The following MAGI1 variants were observed in gnomAD, a reference collection of about 807,000 sequenced individuals.
MAGI1 encodes the protein membrane associated guanylate kinase, WW and PDZ domain containing 1, also known as membrane-associated guanylate kinase, WW and PDZ domain-containing protein 1.
In MAGI1, 58 loss-of-function variants were observed where a neutral mutation model predicts 139.9. The ratio of observed to expected loss-of-function variants is 0.41; its 90% CI spans 0.34 to 0.52. The LOEUF (loss-of-function observed/expected upper bound fraction) is 0.52, where lower values mean the gene tolerates loss of function less well. MAGI1 is among the 20% of genes least tolerant of loss of function. The probability of loss-of-function intolerance (pLI) is 0.12; values close to 1 mark genes in which losing one functional copy is unlikely to be tolerated. For synonymous variants in MAGI1, 812 were observed against 737.9 expected, an observed-to-expected ratio of 1.10 and a Z score of -1.63; for missense variants, 1,874 against 1,901.6, an observed-to-expected ratio of 0.99 and a Z score of 0.27.
chr3:65,801,064 C>A (rs1176819771), intron 1 of MAGI1, among the ~76,000 whole-genome samples: 4 of 152,122 alleles, frequency 2.6e-5, no homozygotes, highest in South Asian at 2.1e-4. Flanking sequence ...TTGTCAAGCA[C>A]CATTGGTTTA....
At chr3:65,936,355 T>C (rs911319488) in intron 1 of MAGI1, among the ~76,000 whole-genome samples, 2 of 152,132 alleles carry the variant, frequency 1.3e-5, no homozygotes, top group Non-Finnish European at 2.9e-5. Context: ...TCCTAGGTAG[T>C]GACCAGGTGT....
intron 1 of MAGI1, among the ~76,000 whole-genome samples, chr3:65,918,675 G>A (rs530524836): frequency 1.2e-4 from 18 of 151,972 alleles, no homozygotes; most frequent in East Asian, 3.9e-4. Context: ...CACCGCGCCC[G>A]GCCTCCACAA....
intron 1 of MAGI1, among the ~76,000 whole-genome samples, chr3:65,974,864 G>T (rs2065188908): frequency 6.6e-6 from 1 of 152,136 alleles, no homozygotes; most frequent in Non-Finnish European, 1.5e-5. Context: ...TTAGGCTATT[G>T]GTCTCACAGA....
chr3:65,997,221 T>C (rs1376465523), intron 1 of MAGI1, among the ~76,000 whole-genome samples: 1 of 152,172 alleles, frequency 6.6e-6, no homozygotes, highest in Non-Finnish European at 1.5e-5. Context: ...CCAGCAGCAC[T>C]GTGCAAGACC....
intron 18 of MAGI1, among the ~76,000 whole-genome samples, chr3:65,365,950 A>G (rs1453950685): frequency 6.6e-6 from 1 of 152,196 alleles, no homozygotes; most frequent in East Asian, 1.9e-4. Context: ...CCTGTGGTCT[A>G]TCTTCCATTT....
intron 1 of MAGI1, among the ~76,000 whole-genome samples, chr3:65,998,073 A>C (rs1388766785): frequency 6.6e-6 from 1 of 150,958 alleles, no homozygotes; most frequent in Admixed American, 6.6e-5. Flanking sequence ...ATTGCACTCC[A>C]GCCTGGGCGA....
At chr3:65,881,639 AAGTT>A (rs1399068301) in intron 1 of MAGI1, among the ~76,000 whole-genome samples, 1 of 152,164 alleles carries the variant, frequency 6.6e-6, no homozygotes, top group Non-Finnish European at 1.5e-5. Context: ...AAAAAAAAAA[AAGTT>A]AGGACTTCCA....
chr3:65,763,371 A>C (rs2037193591), intron 1 of MAGI1, among the ~76,000 whole-genome samples: 1 of 152,172 alleles, frequency 6.6e-6, no homozygotes, highest in East Asian at 1.9e-4. Context: ...CAAAAGACTT[A>C]TATTACATAA....
chr3:65,554,356 G>A (rs1160273587), intron 2 of MAGI1, among the ~76,000 whole-genome samples: 1 of 152,186 alleles, frequency 6.6e-6, no homozygotes, highest in Non-Finnish European at 1.5e-5. Flanking sequence ...AAGATGACAA[G>A]AGGCACATCA....
chr3:65,900,608 G>A (rs984500007), intron 1 of MAGI1, among the ~76,000 whole-genome samples: 1 of 152,292 alleles, frequency 6.6e-6, no homozygotes, highest in Middle Eastern at 3.4e-3. Context: ...TGAAGAGGGA[G>A]TTAGTAAGAG....
At chr3:65,573,285 A>G (rs2081038718) in intron 2 of MAGI1, among the ~76,000 whole-genome samples, 1 of 152,112 alleles carries the variant, frequency 6.6e-6, no homozygotes, top group Non-Finnish European at 1.5e-5. Flanking sequence ...CACAGGAACA[A>G]AGATGCAAAA....
intron 1 of MAGI1, among the ~76,000 whole-genome samples, chr3:65,682,653 T>C (rs1343678831): frequency 6.6e-6 from 1 of 151,926 alleles, no homozygotes; most frequent in Non-Finnish European, 1.5e-5. Context: ...AGAAGAAACT[T>C]AAGAAAAAAA....
At chr3:65,440,900 GTGTGTATATATA>G (rs1948271171) in intron 8 of MAGI1, among the ~76,000 whole-genome samples, 1 of 134,350 alleles carries the variant, frequency 7.4e-6, no homozygotes, top group African/African-American at 3.1e-5. Flanking sequence ...TGGTACATAT[GTGTGTATATATA>G]TATACACACA....
intron 1 of MAGI1, among the ~76,000 whole-genome samples, chr3:65,762,307 T>C (rs2107885763): frequency 6.6e-6 from 1 of 152,240 alleles, no homozygotes; most frequent in African/African-American, 2.4e-5. Context: ...ATTTTGAAAG[T>C]CTAAATAGTT....
intron 1 of MAGI1, among the ~76,000 whole-genome samples, chr3:65,779,843 T>G (rs1038387245): frequency 1.3e-5 from 2 of 152,218 alleles, no homozygotes; most frequent in Non-Finnish European, 2.9e-5. Context: ...CTAACCTTTT[T>G]CTTACCAGCT....
At chr3:66,030,735 C>A (rs1272568387) in intron 1 of MAGI1, among the ~76,000 whole-genome samples, 1 of 152,132 alleles carries the variant, frequency 6.6e-6, no homozygotes, top group Non-Finnish European at 1.5e-5. Flanking sequence ...TAGGACAGGT[C>A]ACGGGCAGCC....
intron 1 of MAGI1, among the ~76,000 whole-genome samples, chr3:65,965,975 CTTACTAT>C (rs2107136695): frequency 6.6e-6 from 1 of 152,246 alleles, no homozygotes. Context: ...CTTTATACTG[CTTACTAT>C]GGGTTACTTC....
intron 2 of MAGI1, among the ~76,000 whole-genome samples, chr3:65,496,078 A>G (rs1226810792): frequency 4.6e-5 from 7 of 152,146 alleles, no homozygotes; most frequent in Admixed American, 2.6e-4. Flanking sequence ...GTCTCGCTCT[A>G]TCGCTCAGGC....
chr3:65,375,821 G>A lies in MAGI1; in HGVS notation c.3120C>T (p.Asn1040=), dbSNP rs1942469338. 2.5e-6 allele frequency: 4 copies of A among 1,614,086 alleles called. No homozygotes were observed. Among genetic ancestry groups the A allele is most frequent in the Non-Finnish European group, 3.4e-6 (4 of 1,180,002 alleles). The change falls in exon 18 of 23, where the codon AAC becomes AAT. Residue 1040 remains asparagine (N), a synonymous_variant. Coordinates refer to ENST00000402939, the MANE Select transcript of MAGI1 (RefSeq NM_001033057.2). The part of the protein sequence containing the change: ...ILAVNGCSIT[N]KSHSDIVNLI... The stretch of plus-strand genomic sequence containing the variant: ...GGTTCACAATGTCTGAATGGGATTT[G>A]TTGGTGATGGAACATCCATTTACTG...
Sources: allele counts gnomAD v4.1 joint callset (sites outside exome capture counted in the v4.1 genomes callset), GRCh38; gene constraint gnomAD v4.1.1; transcripts MANE v1.5; gene names NCBI Gene and HGNC (gene_info 2026-07-23, HGNC 2026-07-21).